Variants in VPS13A observed in about 807,000 individuals in gnomAD.
VPS13A encodes the protein vacuolar protein sorting 13 homolog A.
VPS13A carries 264 observed loss-of-function variants against 390.9 expected under a neutral mutation model. The observed-to-expected ratio is 0.68, with a 90% CI of 0.61 to 0.75. VPS13A has a LOEUF of 0.75. VPS13A is among the 30% of genes least tolerant of loss of function. The pLI is 0.00. For missense variants in VPS13A, 3,409 were observed against 3,733.9 expected (o/e 0.91, Z 2.27); for synonymous variants, 1,231 against 1,227.1 (o/e 1.00, Z -0.07).
intron 19 of VPS13A, among the ~76,000 whole-genome samples, chr9:77,243,876 T>C (rs1824649683): frequency 6.6e-6 from 1 of 152,170 alleles, no homozygotes; most frequent in Non-Finnish European, 1.5e-5. Context: ...TTGATAGGTA[T>C]GTTTAATGTA....
chr9:77,208,643 T>C (rs892740755), intron 5 of VPS13A, among the ~76,000 whole-genome samples: 1 of 150,414 alleles, frequency 6.6e-6, no homozygotes, highest in Non-Finnish European at 1.5e-5. Context: ...TCCACCTCTC[T>C]GGTTCAAACG....
intron 23 of VPS13A, among the ~76,000 whole-genome samples, chr9:77,260,527 T>C (rs918132829): frequency 2.6e-5 from 4 of 151,712 alleles, no homozygotes; most frequent in African/African-American, 9.7e-5. Context: ...GGCTAATTTT[T>C]TGTATTTTTA....
chr9:77,319,701 T>A (rs1176033220), intron 42 of VPS13A, 28 bp downstream of exon 42: 4 of 1,093,612 alleles, frequency 3.7e-6, no homozygotes, highest in Non-Finnish European at 5.4e-6. Flanking sequence ...TATGTGTGTA[T>A]ATATATATAT....
intron 28 of VPS13A, 85 bp from the exon 29 acceptor site, chr9:77,282,036 T>G (rs1827056431): frequency 7.0e-7 from 1 of 1,433,698 alleles, no homozygotes; most frequent in African/African-American, 1.4e-5. Context: ...AATTATATCC[T>G]TTATGCCACA....
At chr9:77,311,663 T>C (rs1587553059) in intron 35 of VPS13A, among the ~76,000 whole-genome samples, 1 of 152,144 alleles carries the variant, frequency 6.6e-6, no homozygotes, top group East Asian at 1.9e-4. Flanking sequence ...TCTTGGTAAA[T>C]GATAAGATAT....
chr9:77,286,512 T>A (rs1045251052), intron 31 of VPS13A, among the ~76,000 whole-genome samples: 4 of 152,232 alleles, frequency 2.6e-5, no homozygotes, highest in Non-Finnish European at 4.4e-5. Context: ...GTAGTTTGAC[T>A]GGATTTTAAA....
chr9:77,353,678 C>G (rs1410725763), intron 54 of VPS13A, 37 bp downstream of exon 54: 1 of 1,529,852 alleles, frequency 6.5e-7, no homozygotes, highest in Non-Finnish European at 9.0e-7. Flanking sequence ...TTTAAATGAT[C>G]AGTTTCTAAT....
chr9:77,367,737 G>C (rs1832514065), intron 61 of VPS13A, among the ~76,000 whole-genome samples: 1 of 152,208 alleles, frequency 6.6e-6, no homozygotes, highest in Non-Finnish European at 1.5e-5. Flanking sequence ...TGATAGGACA[G>C]AATTGGGAAA....
intron 67 of VPS13A, among the ~76,000 whole-genome samples, chr9:77,376,174 T>G (rs1349075440): frequency 6.6e-6 from 1 of 152,172 alleles, no homozygotes; most frequent in Non-Finnish European, 1.5e-5. Context: ...AGAATGTGCT[T>G]GGCCTATTTG....
At chr9:77,298,576 T>G (rs987045864) in intron 33 of VPS13A, among the ~76,000 whole-genome samples, 15 of 152,052 alleles carry the variant, frequency 9.9e-5, no homozygotes, top group African/African-American at 3.6e-4. Flanking sequence ...AATCCAACAG[T>G]CAGTTGGATT....
chr9:77,355,750 G>A (rs1353980368), intron 54 of VPS13A, among the ~76,000 whole-genome samples: 2 of 152,088 alleles, frequency 1.3e-5, no homozygotes, highest in South Asian at 2.1e-4. Context: ...AATTGTCTTC[G>A]ATTCCTCTCT....
rs187138499 is a variant in VPS13A at position 77,254,189 on chromosome 9, C to A, written c.2288+1837C>A. On this transcript the variant is annotated intron_variant, in intron 22 of 71. Transcript: ENST00000360280. ...TGATCTCCTGACCTCGTGATCCGCCCGCCTCGGCCTCCCAAAGTGCTGGGA... is the reference window on the plus strand; with the variant it reads ...TGATCTCCTGACCTCGTGATCCGCCAGCCTCGGCCTCCCAAAGTGCTGGGA... Among the ~76,000 whole-genome samples the A allele has an allele frequency of 5.3e-4, 81 of 152,114 alleles. No individual in the cohort carries two copies. In the East Asian group the frequency reaches 6.8e-3, roughly 13 times the overall value.
chr9:77,300,702 G>T (rs143686279), intron 33 of VPS13A, among the ~76,000 whole-genome samples: 1 of 152,124 alleles, frequency 6.6e-6, no homozygotes, highest in African/African-American at 2.4e-5. Flanking sequence ...ACTGCATTCC[G>T]GCCTGGATGA....
At chr9:77,282,562 A>G (rs1458846489) in intron 29 of VPS13A, among the ~76,000 whole-genome samples, 1 of 152,146 alleles carries the variant, frequency 6.6e-6, no homozygotes, top group Non-Finnish European at 1.5e-5. Context: ...ACCTCCCAGT[A>G]GGAGGATTAG....
intron 71 of VPS13A, among the ~76,000 whole-genome samples, chr9:77,413,500 C>G (rs1380042335): frequency 6.6e-6 from 1 of 152,168 alleles, no homozygotes. Flanking sequence ...AAAGGATTCC[C>G]TATTTAATAA....
At chr9:77,245,155 C>T (rs1230135231) in intron 19 of VPS13A, among the ~76,000 whole-genome samples, 2 of 151,984 alleles carry the variant, frequency 1.3e-5, no homozygotes. Context: ...AACCTAAGGT[C>T]AAAATAAAAT....
chr9:77,233,430 A>G (rs1230402664), intron 17 of VPS13A, among the ~76,000 whole-genome samples: 1 of 151,266 alleles, frequency 6.6e-6, no homozygotes, highest in Non-Finnish European at 1.5e-5. Flanking sequence ...GTATTATTTT[A>G]TTCATACTGT....
At chr9:77,410,236 G>A (rs11145418) in intron 71 of VPS13A, among the ~76,000 whole-genome samples, 43,477 of 151,462 alleles carry the variant, frequency 0.29, 6,426 homozygotes, top group African/African-American at 0.3. Flanking sequence ...TTTACAGAAA[G>A]GCAAATGCTG....
chr9:77,262,016 A>G (rs1212339674), intron 23 of VPS13A, among the ~76,000 whole-genome samples: 1 of 152,134 alleles, frequency 6.6e-6, no homozygotes, highest in African/African-American at 2.4e-5. Context: ...TGCTTTTTTA[A>G]ATAAGTAGAA....
Sources: gnomAD v4.1 joint callset for allele counts (sites outside exome capture counted in the v4.1 genomes callset) on GRCh38, gnomAD v4.1.1 for gene constraint, MANE v1.5 for transcripts, NCBI Gene and HGNC (gene_info 2026-07-23, HGNC 2026-07-21) for gene names.